Variants in CSMD2 observed in about 807,000 individuals in gnomAD.
The protein encoded by CSMD2 is CUB and Sushi multiple domains 2.
A neutral mutation model predicts 398.5 loss-of-function variants in CSMD2; 130 were observed. The ratio of observed to expected loss-of-function variants is 0.33; its 90% confidence interval spans 0.28 to 0.38. The LOEUF is 0.38. Ranked by LOEUF, CSMD2 falls within the 10% of genes least tolerant of loss-of-function variation. The pLI is 1.00. For synonymous variants in CSMD2, 1,828 were observed against 1,908.5 expected (o/e 0.96, Z 1.10); for missense variants, 3,829 against 4,764.9 (o/e 0.80, Z 5.78).
At chr1:34,128,799 C>T (rs1663015312) in intron 1 of CSMD2, among the ~76,000 whole-genome samples, 1 of 152,136 alleles carries the variant, frequency 6.6e-6, no homozygotes, top group Non-Finnish European at 1.5e-5. Context: ...TAAACTCTGC[C>T]AGCTCAGAAG....
At chr1:33,820,330 G>T in intron 8 of CSMD2, 139 bp downstream of exon 8, 1 of 695,894 alleles carries the variant, frequency 1.4e-6, no homozygotes, top group Non-Finnish European at 2.6e-6. Context: ...CAAAGCCATA[G>T]CTCTTCTCCA....
rs1159911708 is a variant in CSMD2, at chr1:33,515,661, C to T, written c.*963G>A. The T allele has an allele frequency of 2.0e-5, 3 of 152,234 alleles. No homozygotes were observed. The highest frequency in any genetic ancestry group is 7.2e-5 in the African/African-American group (3 of 41,448). The allele number at this position is 152,234 out of a possible 1,614,324, so 9.4% of individuals were successfully genotyped here. A position where few individuals can be genotyped will look rare whatever the true frequency, so the allele number is the denominator to read the frequency against. On this transcript the variant is annotated 3_prime_UTR_variant, in exon 71 of 71. Coordinates refer to ENST00000373381, the MANE Select transcript of CSMD2 (RefSeq NM_001281956.2). Reference sequence around the variant, plus strand: ...AAGTGTCAGGCACAGAGAATAACCCCAGTACATGATAGCCATTGTTTTTTG... The same window carrying T: ...AAGTGTCAGGCACAGAGAATAACCCTAGTACATGATAGCCATTGTTTTTTG...
At chr1:34,142,219 C>A (rs947663110) in intron 1 of CSMD2, among the ~76,000 whole-genome samples, 2 of 152,164 alleles carry the variant, frequency 1.3e-5, no homozygotes, top group Non-Finnish European at 2.9e-5. Context: ...GTCCTGGCGG[C>A]CCCCTCAGTC....
Position 33,670,733 on chromosome 1 carries a change from C to A in CSMD2, c.4053-7641G>T, listed in dbSNP as rs566461153. ...TGATACTGATAGTCATACTTTAAAT[C>A]TATAAATAGTAAGTACTAGGTTCAG... On this transcript the variant is annotated intron_variant, in intron 25 of 70. Coordinates refer to ENST00000373381, the MANE Select transcript of CSMD2 (RefSeq NM_001281956.2). 1.1e-4 allele frequency among the ~76,000 whole-genome samples: 16 copies of A among 152,300 alleles called. 1 individual carries two copies. The highest frequency in any genetic ancestry group is 8.5e-4 in the Admixed American group (13 of 15,294).
chr1:33,776,479 C>T (rs1286165080), intron 12 of CSMD2, among the ~76,000 whole-genome samples: 2 of 152,130 alleles, frequency 1.3e-5, no homozygotes, highest in South Asian at 2.1e-4. Context: ...CATGGGAAAA[C>T]GACTTGAAGA....
In CSMD2 at chr1:33,795,845, G is replaced by A. The variant is rs932058035; in HGVS notation, c.1447-3319C>T. Among the ~76,000 whole-genome samples, 5 of 152,360 alleles carry A rather than the reference G, an allele frequency of 3.3e-5. No individual in the cohort carries two copies. The South Asian group carries it at 8.3e-4, about 25-fold the overall frequency. On this transcript the variant is annotated intron_variant, in intron 10 of 70. Transcript: ENST00000373381. Reference sequence around the variant, plus strand: ...CAGGGGCTGAAAAAATGTAGACTGGGAGAACAATTTCCAAAGCTTTCCTGC... The same window carrying A: ...CAGGGGCTGAAAAAATGTAGACTGGAAGAACAATTTCCAAAGCTTTCCTGC...
At chr1:33,898,490 A>C (rs1642539712) in intron 5 of CSMD2, among the ~76,000 whole-genome samples, 1 of 152,192 alleles carries the variant, frequency 6.6e-6, no homozygotes, top group African/African-American at 2.4e-5. Context: ...TTAATAAGGA[A>C]TCCTAATTAA....
chr1:33,751,991 G>A (rs571042915), intron 13 of CSMD2, among the ~76,000 whole-genome samples: 14 of 152,222 alleles, frequency 9.2e-5, no homozygotes, highest in African/African-American at 3.4e-4. Flanking sequence ...AATGTTGATG[G>A]AATGCAACTG....
intron 1 of CSMD2, among the ~76,000 whole-genome samples, chr1:34,127,820 C>T (rs903022593): frequency 2.6e-5 from 4 of 152,042 alleles, no homozygotes; most frequent in Non-Finnish European, 4.4e-5. Context: ...GACTGAGGGT[C>T]CTAGTGGGAC....
In CSMD2 at chr1:34,163,760, A is replaced by T. The variant is rs1641579528; in HGVS notation, c.187+1151T>A. On this transcript the variant is annotated intron_variant, in intron 1 of 70. Coordinates refer to ENST00000373381, the MANE Select transcript of CSMD2 (RefSeq NM_001281956.2). The surrounding 1 kb of genome is among the most constrained non-coding windows in gnomAD (Gnocchi z 5.4). ...TTCGGTTTCTCCCCCAGTGGGTGTC[A>T]GCCTCGCGGGCTAAATGAAAATGCG... Among the ~76,000 whole-genome samples, 1 of 152,208 alleles carries T rather than the reference A, an allele frequency of 6.6e-6. No homozygotes were observed. Among genetic ancestry groups the T allele is most frequent in the Non-Finnish European group, 1.5e-5 (1 of 68,030 alleles).
At chr1:33,802,536 G>A (rs527775841) in intron 10 of CSMD2, among the ~76,000 whole-genome samples, 18 of 152,242 alleles carry the variant, frequency 1.2e-4, no homozygotes, top group Admixed American at 9.8e-4. Context: ...GACATTCCTA[G>A]CTCCTTGCCA....
intron 15 of CSMD2, among the ~76,000 whole-genome samples, chr1:33,734,535 C>T (rs911407834): frequency 5.3e-5 from 8 of 151,894 alleles, no homozygotes; most frequent in African/African-American, 1.9e-4. Flanking sequence ...GCCTGTAATC[C>T]CCGCATTTTG....
chr1:33,620,275 T>C (rs1641683528), intron 37 of CSMD2, among the ~76,000 whole-genome samples: 1 of 152,232 alleles, frequency 6.6e-6, no homozygotes, highest in South Asian at 2.1e-4. Flanking sequence ...TTCAAAACCA[T>C]TTGCCTGTAC....
intron 50 of CSMD2, 33 bp from the exon 51 acceptor site, chr1:33,571,759 T>TCAAG: frequency 1.4e-6 from 2 of 1,384,988 alleles, no homozygotes; most frequent in Non-Finnish European, 1.9e-6. Context: ...GGAGGATTAA[T>TCAAG]TACTTGATTA....
Position 33,645,392 on chromosome 1 carries a change from C to T in CSMD2, c.4774+1256G>A, listed in dbSNP as rs866102616. Among the ~76,000 whole-genome samples, 350 of 119,520 alleles carry T rather than the reference C, an allele frequency of 2.9e-3. 2 individuals are homozygous for T. The highest frequency in any genetic ancestry group is 3.7e-3 in the Non-Finnish European group (209 of 57,034). 78.4% of individuals were successfully genotyped at this position (119,520 alleles called of 152,430 possible). On this transcript the variant is annotated intron_variant, in intron 29 of 70. Transcript: ENST00000373381. ...ACACACACACACACACACACACACACATATATAAAATATGCATGTATAAAA... is the reference window on the plus strand; with the variant it reads ...ACACACACACACACACACACACACATATATATAAAATATGCATGTATAAAA...
intron 2 of CSMD2, among the ~76,000 whole-genome samples, chr1:34,066,788 G>A (rs182535933): frequency 2.6e-5 from 4 of 152,264 alleles, no homozygotes; most frequent in East Asian, 1.9e-4. Context: ...GTCCTGTGCC[G>A]CTCTCTGGGA....
At chr1:33,995,661 C>T (rs1014432186) in intron 3 of CSMD2, among the ~76,000 whole-genome samples, 1 of 152,138 alleles carries the variant, frequency 6.6e-6, no homozygotes, top group Admixed American at 6.5e-5. Flanking sequence ...TCTGAACCAC[C>T]CCCTCATGAG....
intron 3 of CSMD2, among the ~76,000 whole-genome samples, chr1:34,015,498 G>C (rs1041032682): frequency 6.6e-6 from 1 of 152,126 alleles, no homozygotes; most frequent in Non-Finnish European, 1.5e-5. Context: ...CATGGCACTG[G>C]GTCTAGGCTT....
chr1:33,578,850 C>T (rs553031126), intron 48 of CSMD2, among the ~76,000 whole-genome samples: 38 of 152,256 alleles, frequency 2.5e-4, no homozygotes, highest in African/African-American at 8.4e-4. Flanking sequence ...ATCCGTCTGC[C>T]GGTGAAATGG....
Sources: gnomAD v4.1 joint callset for allele counts (sites outside exome capture counted in the v4.1 genomes callset) on GRCh38, gnomAD v4.1.1 for gene constraint, Gnocchi (gnomAD v3.1) non-coding constraint, MANE v1.5 for transcripts, NCBI Gene and HGNC (gene_info 2026-07-23, HGNC 2026-07-21) for gene names.